The following SERINC3 variants were observed in gnomAD, a reference collection of about 807,000 sequenced individuals.
The protein encoded by SERINC3 is tumor differentially expressed protein 1.
Under a neutral mutation model 52.1 loss-of-function variants are expected in SERINC3, and 22 were observed. The ratio of observed to expected loss-of-function variants is 0.42; its 90% CI spans 0.30 to 0.60. SERINC3 has a LOEUF of 0.60. Ranked by LOEUF, SERINC3 falls within the 20% of genes least tolerant of loss-of-function variation. SERINC3 has a pLI of 0.16. For synonymous variants in SERINC3, 226 were observed against 212.7 expected, an observed-to-expected ratio of 1.06 and a Z score of -0.54; for missense variants, 564 against 584.6, an observed-to-expected ratio of 0.96 and a Z score of 0.36.
At chr20:44,517,730 C>A (rs1344077591) in intron 1 of SERINC3, among the ~76,000 whole-genome samples, 1 of 152,232 alleles carries the variant, frequency 6.6e-6, no homozygotes, top group Non-Finnish European at 1.5e-5. Flanking sequence ...GCCACTCGGT[C>A]TGTGGTACTT....
intron 5 of SERINC3, among the ~76,000 whole-genome samples, chr20:44,508,337 G>C (rs983151351): frequency 2.0e-5 from 3 of 151,878 alleles, no homozygotes; most frequent in Non-Finnish European, 4.4e-5. Context: ...GCCGGTCGTG[G>C]TGGTGTAGGC....
chr20:44,504,114 A>C, intron 7 of SERINC3, 119 bp from the exon 8 acceptor site: 1 of 744,662 alleles, frequency 1.3e-6, no homozygotes. Flanking sequence ...TGCTTTACTT[A>C]AAAAATCTGA....
intron 1 of SERINC3, among the ~76,000 whole-genome samples, chr20:44,519,005 G>A (rs899525146): frequency 1.7e-4 from 25 of 147,030 alleles, no homozygotes; most frequent in Admixed American, 1.2e-3. Flanking sequence ...AGTTCTAACC[G>A]CCCCCTTTGA....
At chr20:44,510,086 C>T in intron 4 of SERINC3, 58 bp from the exon 5 acceptor site, 1 of 1,511,652 alleles carries the variant, frequency 6.6e-7, no homozygotes, top group Non-Finnish European at 9.2e-7. Flanking sequence ...TTCAGAAGAT[C>T]CAACATTCTG....
intron 1 of SERINC3, among the ~76,000 whole-genome samples, chr20:44,515,561 T>A (rs1361562089): frequency 4.6e-5 from 7 of 152,208 alleles, no homozygotes; most frequent in Admixed American, 1.3e-4. Flanking sequence ...AGTGATGGTT[T>A]AATGGGTAAA....
At chr20:44,517,227 A>G (rs987951351) in intron 1 of SERINC3, among the ~76,000 whole-genome samples, 10 of 152,336 alleles carry the variant, frequency 6.6e-5, no homozygotes, top group Admixed American at 3.9e-4. Context: ...CAGGCTCAAT[A>G]TATCGTGGTA....
At chr20:44,515,001 A>C (rs1480314146) in intron 1 of SERINC3, among the ~76,000 whole-genome samples, 1 of 152,196 alleles carries the variant, frequency 6.6e-6, no homozygotes, top group East Asian at 1.9e-4. Flanking sequence ...TACAATCACC[A>C]AAATGTGGAA....
chr20:44,502,339 C>T (rs934986722), intron 8 of SERINC3, among the ~76,000 whole-genome samples: 3 of 152,174 alleles, frequency 2.0e-5, no homozygotes, highest in Non-Finnish European at 4.4e-5. Flanking sequence ...ATAATCCCAA[C>T]TACTTGAGAG....
At chr20:44,521,881 G>C in intron 1 of SERINC3, 32 bp downstream of exon 1, 1 of 1,596,600 alleles carries the variant, frequency 6.3e-7, no homozygotes, top group Middle Eastern at 1.9e-4. Context: ...GCAAACCGCA[G>C]GTCCGGCGAG....
intron 8 of SERINC3, 123 bp from the exon 9 acceptor site, chr20:44,501,423 G>T: frequency 1.4e-6 from 1 of 740,596 alleles, no homozygotes; most frequent in Non-Finnish European, 2.3e-6. Flanking sequence ...AAAGCTTTCT[G>T]AAGATCCTGC....
chr20:44,509,882 G>A lies in SERINC3; in HGVS notation c.613+9C>T, dbSNP rs2064336489. ...AGTATGGCTAACATAGGTGAGTAGA[G>A]ATACCTACCAGCATACCACAACCTT... On this transcript the variant is annotated intron_variant, in intron 5 of 9. Coordinates refer to ENST00000342374, the MANE Select transcript of SERINC3 (RefSeq NM_006811.4). 1 of 1,613,762 alleles carries A rather than the reference G, an allele frequency of 6.2e-7. No individual in the cohort carries two copies. The highest frequency in any genetic ancestry group is 1.3e-5 in the African/African-American group (1 of 74,898).
At chr20:44,512,057 A>G (rs1435688649) in intron 3 of SERINC3, among the ~76,000 whole-genome samples, 2 of 152,238 alleles carry the variant, frequency 1.3e-5, no homozygotes, top group African/African-American at 2.4e-5. Context: ...TCACGCCTGT[A>G]AGCCCAGCAC....
At chr20:44,521,673 A>T (rs1354343247) in intron 1 of SERINC3, among the ~76,000 whole-genome samples, 22 of 152,232 alleles carry the variant, frequency 1.4e-4, no homozygotes, top group Admixed American at 1.4e-3. Flanking sequence ...GGGCGGAGCC[A>T]TCCGAATTGT....
At chr20:44,520,245 A>G (rs529617969) in intron 1 of SERINC3, among the ~76,000 whole-genome samples, 7 of 152,108 alleles carry the variant, frequency 4.6e-5, no homozygotes, top group Non-Finnish European at 8.8e-5. Context: ...GCGTGGTGGC[A>G]TACACTATAA....
chr20:44,518,596 A>C (rs1038180793), intron 1 of SERINC3, among the ~76,000 whole-genome samples: 1 of 152,182 alleles, frequency 6.6e-6, no homozygotes, highest in South Asian at 2.1e-4. Context: ...CTCCTAAAAA[A>C]ACTTGTCTTT....
Position 44,500,310 on chromosome 20 carries a change from G to A in SERINC3, c.1408C>T (p.Arg470Trp), listed in dbSNP as rs761449520. The A allele has an allele frequency of 5.6e-6, 9 of 1,611,472 alleles. 1 individual carries two copies. Among genetic ancestry groups the A allele is most frequent in the African/African-American group, 2.7e-5 (2 of 74,892 alleles). ...TLVAPLVLTS[R>W]DFS Reference sequence around the variant, plus strand: ...CACTCAGAGGTTCAGCTGAAGTCCCGACTGGTGAGGACAAGTGGAGCCACA... The same window carrying A: ...CACTCAGAGGTTCAGCTGAAGTCCCAACTGGTGAGGACAAGTGGAGCCACA... The change falls in exon 10 of 10, where the codon CGG (arginine) becomes TGG (tryptophan). Residue 470 changes from arginine to tryptophan, a missense_variant. By Grantham distance (101) the Arg-to-Trp change is moderately radical. Transcript: ENST00000342374.
At chr20:44,516,450 T>C (rs907376562) in intron 1 of SERINC3, among the ~76,000 whole-genome samples, 2 of 152,112 alleles carry the variant, frequency 1.3e-5, no homozygotes, top group Non-Finnish European at 2.9e-5. Flanking sequence ...TGGAGTGCAG[T>C]AACGCCATCT....
At chr20:44,506,383 A>G (rs1344310891) in intron 6 of SERINC3, among the ~76,000 whole-genome samples, 2 of 151,502 alleles carry the variant, frequency 1.3e-5, no homozygotes, top group Non-Finnish European at 2.9e-5. Flanking sequence ...CACGAGGTCA[A>G]GAGTTCAGCC....
intron 8 of SERINC3, among the ~76,000 whole-genome samples, chr20:44,502,604 A>C (rs2064286952): frequency 1.3e-5 from 2 of 150,676 alleles, no homozygotes; most frequent in Admixed American, 6.6e-5. Flanking sequence ...AAAAAAAAAA[A>C]CACAAAAATC....
Sources: allele counts gnomAD v4.1 joint callset (sites outside exome capture counted in the v4.1 genomes callset), GRCh38; gene constraint gnomAD v4.1.1; transcripts MANE v1.5; gene names NCBI Gene and HGNC (gene_info 2026-07-23, HGNC 2026-07-21).